The following CCDC7 variants were observed in gnomAD, a reference collection of about 807,000 sequenced individuals.
CCDC7 encodes the protein coiled-coil domain-containing protein 7.
CCDC7 carries 183 observed loss-of-function variants against 196.9 expected under a neutral mutation model. The observed-to-expected ratio is 0.93, with a 90% CI of 0.82 to 1.05. The LOEUF is 1.05. Among genes scored for constraint, CCDC7 ranks in the 50% least tolerant of loss-of-function variants. The pLI, the probability that CCDC7 is intolerant of heterozygous loss-of-function variation, is 0.00. For missense variants in CCDC7, 1,540 were observed against 1,482.2 expected (o/e 1.04, Z -0.64); for synonymous variants, 525 against 484.6 (o/e 1.08, Z -1.10).
At chr10:32,707,314 CGT>C in intron 24 of CCDC7, among the ~76,000 whole-genome samples, 1 of 152,220 alleles carries the variant, frequency 6.6e-6, no homozygotes, top group East Asian at 1.9e-4. Flanking sequence ...ACTGATGGGA[CGT>C]ATCTCAAAAT....
At chr10:32,655,607 A>G (rs1285904550) in intron 20 of CCDC7, among the ~76,000 whole-genome samples, 2 of 151,966 alleles carry the variant, frequency 1.3e-5, no homozygotes, top group African/African-American at 2.4e-5. Flanking sequence ...GCTCACTGCA[A>G]CCTCCACATT....
At chr10:32,769,679 T>C (rs1033398037) in intron 28 of CCDC7, among the ~76,000 whole-genome samples, 5 of 149,922 alleles carry the variant, frequency 3.3e-5, no homozygotes, top group African/African-American at 1.2e-4. Flanking sequence ...CCCCTCCCAG[T>C]GTCCATGTTT....
intron 30 of CCDC7, among the ~76,000 whole-genome samples, chr10:32,811,142 A>G (rs1301759160): frequency 6.6e-6 from 1 of 152,032 alleles, no homozygotes; most frequent in East Asian, 1.9e-4. Flanking sequence ...ACAAAAATTA[A>G]TAGAAGAAAA....
chr10:32,749,164 G>A (rs1032322789), intron 28 of CCDC7, among the ~76,000 whole-genome samples: 1 of 152,160 alleles, frequency 6.6e-6, no homozygotes, highest in Non-Finnish European at 1.5e-5. Flanking sequence ...AGTTTGCCCT[G>A]TGACGTCTTT....
chr10:32,761,236 C>G (rs996650244), intron 28 of CCDC7, among the ~76,000 whole-genome samples: 1 of 151,944 alleles, frequency 6.6e-6, no homozygotes, highest in African/African-American at 2.4e-5. Context: ...CAGCAGTTAC[C>G]ACATACCTTG....
chr10:32,495,930 A>C (rs546037339), intron 9 of CCDC7, among the ~76,000 whole-genome samples: 2 of 152,296 alleles, frequency 1.3e-5, no homozygotes, highest in South Asian at 4.1e-4. Flanking sequence ...TTCTGTGAAG[A>C]AAGTCAATAG....
At chr10:32,865,357 C>T (rs1449623070) in intron 41 of CCDC7, among the ~76,000 whole-genome samples, 1 of 151,270 alleles carries the variant, frequency 6.6e-6, no homozygotes, top group African/African-American at 2.4e-5. Context: ...CACCATTAGT[C>T]ATCAGTGAAT....
At chr10:32,766,804 G>A (rs1026852427) in intron 28 of CCDC7, among the ~76,000 whole-genome samples, 5 of 151,924 alleles carry the variant, frequency 3.3e-5, no homozygotes, top group African/African-American at 7.3e-5. Flanking sequence ...ATATGATGTG[G>A]CCAAATACCT....
rs536590489 is a variant in CCDC7 at position 32,638,759 on chromosome 10, T to A, written c.2014+3601T>A. ...GCTGGCCTCATAAAATGAGTTAGGG[T>A]GGATTCCCTCTTTTTCTATTGATTG... On this transcript the variant is annotated intron_variant, in intron 20 of 41. Coordinates refer to ENST00000639629, the Ensembl canonical transcript of CCDC7. Among the ~76,000 whole-genome samples, 6 of 152,254 alleles carry A rather than the reference T, an allele frequency of 3.9e-5. No homozygotes were observed. The East Asian group carries it at 9.7e-4, about 25-fold the overall frequency.
chr10:32,853,418 AT>A (rs1396923078), intron 40 of CCDC7, among the ~76,000 whole-genome samples: 1 of 152,336 alleles, frequency 6.6e-6, no homozygotes, highest in East Asian at 1.9e-4. Context: ...AATGGCAGAT[AT>A]ACATTTTTCA....
chr10:32,510,930 A>G (rs1165138815), intron 9 of CCDC7, among the ~76,000 whole-genome samples: 1 of 151,062 alleles, frequency 6.6e-6, no homozygotes, highest in Admixed American at 6.6e-5. Context: ...ATGTGCCTAT[A>G]ATTTCAGCCT....
At chr10:32,831,437 T>C (rs1246633450) in intron 32 of CCDC7, among the ~76,000 whole-genome samples, 1 of 152,238 alleles carries the variant, frequency 6.6e-6, no homozygotes, top group African/African-American at 2.4e-5. Flanking sequence ...TCCTTAAAAA[T>C]AACCTTAGCT....
chr10:32,595,178 C>T (rs899101277), intron 18 of CCDC7, among the ~76,000 whole-genome samples: 3 of 152,146 alleles, frequency 2.0e-5, no homozygotes, highest in African/African-American at 7.2e-5. Flanking sequence ...CTGTCTGGTC[C>T]TGGACTTTTT....
intron 29 of CCDC7, among the ~76,000 whole-genome samples, chr10:32,796,091 G>A (rs1592835698): frequency 6.6e-6 from 1 of 152,140 alleles, no homozygotes; most frequent in East Asian, 1.9e-4. Flanking sequence ...TCTGTCCTCA[G>A]GGATATTTCT....
At chr10:32,776,025 G>A (rs1054925931) in intron 28 of CCDC7, among the ~76,000 whole-genome samples, 12 of 141,380 alleles carry the variant, frequency 8.5e-5, no homozygotes, top group South Asian at 4.8e-4. Context: ...GTAAACTATC[G>A]CAAGAACAAA....
At chr10:32,650,878 C>T (rs769987142) in intron 20 of CCDC7, among the ~76,000 whole-genome samples, 20 of 152,132 alleles carry the variant, frequency 1.3e-4, no homozygotes, top group Non-Finnish European at 2.1e-4. Context: ...GTGGAGGCTG[C>T]ATTATGTACA....
At chr10:32,476,767 G>T (rs986024101) in intron 8 of CCDC7, among the ~76,000 whole-genome samples, 12 of 152,184 alleles carry the variant, frequency 7.9e-5, no homozygotes, top group Admixed American at 6.5e-4. Flanking sequence ...TAGTTGTGTA[G>T]TGATTTTTCA....
At chr10:32,487,301 G>T (rs1200118271) in intron 8 of CCDC7, among the ~76,000 whole-genome samples, 7 of 151,972 alleles carry the variant, frequency 4.6e-5, no homozygotes. Flanking sequence ...TTGTGCATTC[G>T]TCATGTAGTT....
intron 28 of CCDC7, among the ~76,000 whole-genome samples, chr10:32,767,378 G>A (rs904218752): frequency 2.0e-5 from 3 of 152,060 alleles, no homozygotes; most frequent in Non-Finnish European, 4.4e-5. Flanking sequence ...TATATTTCAG[G>A]GAGCCAAGTG....
Sources: allele counts gnomAD v4.1 joint callset (sites outside exome capture counted in the v4.1 genomes callset), GRCh38; gene constraint gnomAD v4.1.1; transcripts MANE v1.5; gene names NCBI Gene and HGNC (gene_info 2026-07-23, HGNC 2026-07-21).